The following PRAG1 variants were observed in gnomAD, a reference collection of about 807,000 sequenced individuals.
The protein encoded by PRAG1 is PEAK1 related, kinase-activating pseudokinase 1.
A neutral mutation model predicts 95.6 loss-of-function variants in PRAG1; 110 were observed. The observed-to-expected ratio is 1.15, with a 90% CI of 0.99 to 1.35. The LOEUF (loss-of-function observed/expected upper bound fraction) is 1.35. Ranked by LOEUF, PRAG1 falls within the 40% of genes most tolerant of loss-of-function variation. The probability of loss-of-function intolerance (pLI) is 0.00; values close to 1 mark genes in which losing one functional copy is unlikely to be tolerated. For synonymous variants in PRAG1, 1,052 were observed against 819.4 expected (o/e 1.28, Z -4.85); for missense variants, 2,554 against 1,864.7 (o/e 1.37, Z -6.81).
At chr8:8,359,268 T>A (rs1799775133) in intron 3 of PRAG1, among the ~76,000 whole-genome samples, 1 of 152,224 alleles carries the variant, frequency 6.6e-6, no homozygotes, top group Non-Finnish European at 1.5e-5. Context: ...AGGAGAATTT[T>A]TTCTGAATAA....
intron 1 of PRAG1, among the ~76,000 whole-genome samples, chr8:8,384,792 C>T (rs1451267453): frequency 6.6e-6 from 1 of 152,188 alleles, no homozygotes; most frequent in African/African-American, 2.4e-5. Flanking sequence ...TCGCAGCCCA[C>T]ATTCCTTACT....
At chr8:8,367,583 G>A (rs1194665715) in intron 3 of PRAG1, among the ~76,000 whole-genome samples, 1 of 150,008 alleles carries the variant, frequency 6.7e-6, no homozygotes, top group Non-Finnish European at 1.5e-5. Context: ...AAGGTCATAA[G>A]GTCATATTAC....
At chr8:8,365,972 T>C (rs748022755) in intron 3 of PRAG1, among the ~76,000 whole-genome samples, 31 of 151,862 alleles carry the variant, frequency 2.0e-4, no homozygotes, top group Non-Finnish European at 4.0e-4. Flanking sequence ...AGTGAGACCC[T>C]GTCTCAAAAC....
chr8:8,328,760 G>C (rs144982634), intron 4 of PRAG1, among the ~76,000 whole-genome samples: 10 of 151,726 alleles, frequency 6.6e-5, no homozygotes, highest in Non-Finnish European at 5.9e-5. Context: ...AAACAAATGC[G>C]TGCCTGCACG....
chr8:8,320,100 G>A (rs1010383641), intron 5 of PRAG1, among the ~76,000 whole-genome samples: 8 of 152,232 alleles, frequency 5.3e-5, no homozygotes, highest in African/African-American at 1.9e-4. Flanking sequence ...GCAACACACA[G>A]TGTGGTCGGG....
intron 3 of PRAG1, among the ~76,000 whole-genome samples, chr8:8,363,086 TGC>T (rs1375721353): frequency 1.1e-4 from 16 of 142,834 alleles, no homozygotes; most frequent in African/African-American, 3.4e-4. Flanking sequence ...TATATATGTG[TGC>T]GTGTGTATAT....
intron 4 of PRAG1, among the ~76,000 whole-genome samples, chr8:8,337,479 A>G (rs112704124): frequency 6.6e-6 from 1 of 151,368 alleles, no homozygotes; most frequent in African/African-American, 2.4e-5. Context: ...GAAGAGAGAG[A>G]GAGAGAGAAA....
At chr8:8,374,688 C>T (rs902635675) in intron 3 of PRAG1, 4 of 985,394 alleles carry the variant, frequency 4.1e-6, no homozygotes, top group Middle Eastern at 5.2e-4. Flanking sequence ...GGACTACACG[C>T]GGCTGCCAAA....
chr8:8,327,693 G>C lies in PRAG1; in HGVS notation c.3072+17C>G, dbSNP rs1303757393. ...AGCCAGTGGCACAGCAGAATGCAAG[G>C]AGGGAGTGGTACCTACTTTCACAGC... On this transcript the variant is annotated intron_variant, in intron 5 of 5. Transcript: ENST00000615670. 23 of 1,596,040 alleles carry C rather than the reference G, an allele frequency of 1.4e-5. No individual in the cohort carries two copies. The highest frequency in any genetic ancestry group is 1.6e-5 in the Non-Finnish European group (19 of 1,168,972).
In PRAG1 at chr8:8,377,525, G is replaced by T; in HGVS notation, c.884C>A (p.Ser295Tyr). The T allele has an allele frequency of 1.3e-6, 2 of 1,580,428 alleles. No homozygotes were observed. Among genetic ancestry groups the T allele is most frequent in the Non-Finnish European group, 1.7e-6 (2 of 1,162,146 alleles). The change falls in exon 3 of 6, where the codon TCC becomes TAC. Residue 295 changes from serine to tyrosine, a missense_variant. Coordinates refer to ENST00000615670, the MANE Select transcript of PRAG1 (RefSeq NM_001080826.3). Reference protein sequence around the residue: ...SPTCWEQGKCSGPAEQEKRGP... With the variant: ...SPTCWEQGKCYGPAEQEKRGP... ...CCGCTTCTCCTGCTCTGCGGGCCCG[G>T]AACACTTCCCCTGCTCCCAGCACGT...
intron 3 of PRAG1, among the ~76,000 whole-genome samples, chr8:8,372,521 G>C (rs1445124707): frequency 6.6e-6 from 1 of 152,206 alleles, no homozygotes. Context: ...AGCTTGCCTT[G>C]ACGGCAACAG....
Position 8,319,281 on chromosome 8 carries a change from T to A in PRAG1, c.3094A>T (p.Lys1032Ter). The A allele has an allele frequency of 6.6e-7, 1 of 1,519,684 alleles. No individual in the cohort carries two copies. Among genetic ancestry groups the A allele is most frequent in the Non-Finnish European group, 8.9e-7 (1 of 1,129,448 alleles). The allele number at this position is 1,519,684 out of a possible 1,614,324, so 94.1% of individuals were successfully genotyped here. A position where few individuals can be genotyped will look rare whatever the true frequency, so the allele number is the denominator to read the frequency against. Residue 1032 changes from lysine (K) to a stop codon, truncating the protein, a stop_gained, in exon 6 of 6, where the codon AAA becomes TAA. Transcript: ENST00000615670. LOFTEE classifies it high-confidence loss of function. ...AVKICKAPEP[K>*]TVSYCSPSVP... ...GACGGGCTGCAGTAGGAGACTGTTT[T>A]GGGCTCAGGGGCTTTGCAGATCTGT... is the stretch of plus-strand genomic sequence containing the variant.
intron 4 of PRAG1, among the ~76,000 whole-genome samples, chr8:8,333,878 T>A (rs1446527771): frequency 6.6e-6 from 1 of 152,244 alleles, no homozygotes; most frequent in African/African-American, 2.4e-5. Flanking sequence ...CCCTGTGCCC[T>A]GGGGCCCTAG....
At chr8:8,367,786 T>G (rs980295662) in intron 3 of PRAG1, among the ~76,000 whole-genome samples, 2 of 151,854 alleles carry the variant, frequency 1.3e-5, no homozygotes, top group Non-Finnish European at 2.9e-5. Context: ...GGATTACAGG[T>G]GCGTGCCACC....
rs781255119 is a variant in PRAG1, at chr8:8,377,019, G to A, written c.1390C>T (p.Pro464Ser). ...GCTGACACCTGGGGAGTTGGGTCTGGGCTGTCCCGGCCCCAGCCAGATGCT... is the reference window on the plus strand; with the variant it reads ...GCTGACACCTGGGGAGTTGGGTCTGAGCTGTCCCGGCCCCAGCCAGATGCT... ...KAASGWGRDSPDPTPQVSATI... is the reference protein window; with the variant it reads ...KAASGWGRDSSDPTPQVSATI... Residue 464 changes from proline to serine, a missense_variant, in exon 3 of 6, where the codon CCA becomes TCA. By Grantham distance (74) the Pro-to-Ser change is moderately conservative. Transcript: ENST00000615670. 2 of 1,613,940 alleles carry A rather than the reference G, an allele frequency of 1.2e-6. No homozygotes were observed. Among genetic ancestry groups the A allele is most frequent in the South Asian group, 2.2e-5 (2 of 91,086 alleles).
intron 2 of PRAG1, among the ~76,000 whole-genome samples, chr8:8,380,420 G>C (rs1041503098): frequency 6.6e-6 from 1 of 151,928 alleles, no homozygotes; most frequent in Admixed American, 6.6e-5. Context: ...CCAACATGGT[G>C]AAACCTCGTC....
intron 3 of PRAG1, among the ~76,000 whole-genome samples, chr8:8,358,766 T>C (rs545968872): frequency 9.1e-4 from 138 of 152,338 alleles, no homozygotes; most frequent in Non-Finnish European, 1.2e-3. Context: ...ATGGGTGAAG[T>C]CCCTATTGCT....
Position 8,318,253 on chromosome 8 carries a change from C to G in PRAG1, c.4122G>C (p.Arg1374Ser), listed in dbSNP as rs1024180635. Residue 1374 changes from arginine (R) to serine (S), a missense_variant, in exon 6 of 6, where the codon AGG (arginine) becomes AGC (serine). By Grantham distance (110) the Arg-to-Ser change is moderately radical (BLOSUM62 -1). Coordinates refer to ENST00000615670, the MANE Select transcript of PRAG1 (RefSeq NM_001080826.3). This position sits in a 1 kb window ranked among gnomAD's most constrained non-coding sequence, Gnocchi z 4.2. ...MKFAEKAVDR[R>S]RGVELEDWLC... ...GCCAGTCCTCCAGCTCCACGCCCCG[C>G]CTGCGATCCACCGCCTTCTCCGCAA... 15 of 1,614,078 alleles carry G rather than the reference C, an allele frequency of 9.3e-6. No homozygotes were observed. The highest frequency in any genetic ancestry group is 1.7e-5 in the Admixed American group (1 of 60,012).
chr8:8,324,849 G>A (rs1364123921), intron 5 of PRAG1, among the ~76,000 whole-genome samples: 2 of 151,796 alleles, frequency 1.3e-5, no homozygotes, highest in Non-Finnish European at 2.9e-5. Flanking sequence ...CTTCGAAGAC[G>A]CACACACAAC....
Sources: gnomAD v4.1 joint callset for allele counts (sites outside exome capture counted in the v4.1 genomes callset) on GRCh38, gnomAD v4.1.1 for gene constraint, Gnocchi (gnomAD v3.1) non-coding constraint, MANE v1.5 for transcripts, NCBI Gene and HGNC (gene_info 2026-07-23, HGNC 2026-07-21) for gene names.